The following LTBP1 variants were observed in gnomAD, a reference collection of about 807,000 sequenced individuals.
The protein encoded by LTBP1 is latent transforming growth factor beta binding protein 1.
Under a neutral mutation model 207.6 loss-of-function variants are expected in LTBP1, and 129 were observed. The observed-to-expected ratio is 0.62, with a 90% CI of 0.54 to 0.72. The LOEUF (loss-of-function observed/expected upper bound fraction) is 0.72, where lower values mean the gene tolerates loss of function less well. Ranked by LOEUF, LTBP1 falls within the 30% of genes least tolerant of loss-of-function variation. The probability of loss-of-function intolerance (pLI) is 0.00; values close to 1 mark genes in which losing one functional copy is unlikely to be tolerated. For synonymous variants in LTBP1, 963 were observed against 833.7 expected, an observed-to-expected ratio of 1.16 and a Z score of -2.67; for missense variants, 2,281 against 2,217.2, an observed-to-expected ratio of 1.03 and a Z score of -0.58.
At chr2:33,085,138 G>A (rs219102) in intron 3 of LTBP1, among the ~76,000 whole-genome samples, 118,851 of 151,924 alleles carry the variant, frequency 0.78, 49,507 homozygotes, top group East Asian at 0.98. Context: ...GCCGAGAAAT[G>A]GCTGGAGCCC....
chr2:33,330,514 A>C (rs1354228546), intron 24 of LTBP1, among the ~76,000 whole-genome samples: 1 of 151,506 alleles, frequency 6.6e-6, no homozygotes, highest in African/African-American at 2.4e-5. Flanking sequence ...TCTTTATCAG[A>C]TAAAGAAGTT....
intron 31 of LTBP1, 31 bp from the exon 32 acceptor site, chr2:33,389,153 T>TG (rs1422484534): frequency 6.2e-7 from 1 of 1,613,528 alleles, no homozygotes; most frequent in Non-Finnish European, 8.5e-7. Flanking sequence ...CTAACAGTGG[T>TG]GGGGCCTCAT....
chr2:33,088,344 C>G (rs1004777436), intron 3 of LTBP1, among the ~76,000 whole-genome samples: 1 of 152,084 alleles, frequency 6.6e-6, no homozygotes, highest in African/African-American at 2.4e-5. Flanking sequence ...CCCAGCTACT[C>G]TGGAGGCTGA....
At chr2:33,332,941 G>C (rs1326142726) in intron 24 of LTBP1, 2 of 152,202 alleles carry the variant, frequency 1.3e-5, no homozygotes, top group East Asian at 3.9e-4. Flanking sequence ...ATCTGATCTT[G>C]AAAGCTGAGC....
At chr2:33,276,389 G>A (rs2093427229) in intron 18 of LTBP1, among the ~76,000 whole-genome samples, 1 of 152,136 alleles carries the variant, frequency 6.6e-6, no homozygotes, top group Non-Finnish European at 1.5e-5. Flanking sequence ...ACAAACTTTG[G>A]TCAGATTCCA....
chr2:33,134,403 G>A lies in LTBP1; in HGVS notation c.1034-390G>A, dbSNP rs761328334. ...GAGTTTATTCACCGCTAGGTGCACG[G>A]CCAACCCCTTTGCATTACATCTGCC... On this transcript the variant is annotated intron_variant, in intron 4 of 33. Transcript: ENST00000404816. This position sits in a 1 kb window ranked among gnomAD's most constrained non-coding sequence, Gnocchi z 4.4. 4 of 521,950 alleles carry A rather than the reference G, an allele frequency of 7.7e-6. No homozygotes were observed. The highest frequency in any genetic ancestry group is 1.5e-5 in the Non-Finnish European group (4 of 268,664). 32.3% of individuals were successfully genotyped at this position (521,950 alleles called of 1,614,324 possible).
At chr2:33,341,729 A>AAAAAAAAATATATAT (rs745445793) in intron 24 of LTBP1, among the ~76,000 whole-genome samples, 15 of 93,616 alleles carry the variant, frequency 1.6e-4, no homozygotes, top group African/African-American at 7.1e-4. Flanking sequence ...AAAAAAAAAA[A>AAAAAAAAATATATAT]ATATATATAT....
chr2:33,193,544 T>G (rs2088166121), intron 7 of LTBP1, among the ~76,000 whole-genome samples: 1 of 152,214 alleles, frequency 6.6e-6, no homozygotes, highest in Admixed American at 6.5e-5. Context: ...TGCACCTCAC[T>G]TCCACTCTTT....
intron 2 of LTBP1, among the ~76,000 whole-genome samples, chr2:32,958,769 A>G (rs1354111019): frequency 6.6e-6 from 1 of 151,974 alleles, no homozygotes; most frequent in Non-Finnish European, 1.5e-5. Context: ...TTCTCTCTGT[A>G]CTTTTCCTTG....
chr2:33,030,096 T>C (rs1353480218), intron 3 of LTBP1, among the ~76,000 whole-genome samples: 1 of 152,178 alleles, frequency 6.6e-6, no homozygotes, highest in Non-Finnish European at 1.5e-5. Context: ...GACGTTGGTG[T>C]TTTGCCAAGT....
At chr2:33,219,582 G>C (rs911037890) in intron 8 of LTBP1, among the ~76,000 whole-genome samples, 8 of 151,826 alleles carry the variant, frequency 5.3e-5, no homozygotes, top group African/African-American at 1.9e-4. Context: ...ATGTCTGTCT[G>C]TCTGTAGGAA....
chr2:33,359,893 C>T (rs1301135559), intron 26 of LTBP1, among the ~76,000 whole-genome samples: 1 of 152,120 alleles, frequency 6.6e-6, no homozygotes, highest in South Asian at 2.1e-4. Context: ...TCTTTCATAT[C>T]GCCTTGTTCG....
chr2:33,386,818 G>C (rs1296737631), intron 31 of LTBP1, among the ~76,000 whole-genome samples: 3 of 148,568 alleles, frequency 2.0e-5, no homozygotes, highest in Non-Finnish European at 3.0e-5. Flanking sequence ...GGGTGGCAGA[G>C]CAAGACCCTT....
intron 31 of LTBP1, 148 bp from the exon 32 acceptor site, chr2:33,389,036 A>G: frequency 9.1e-7 from 1 of 1,101,284 alleles, no homozygotes; most frequent in Non-Finnish European, 1.3e-6. Flanking sequence ...AAAGATATTC[A>G]GACACTTTCC....
intron 8 of LTBP1, among the ~76,000 whole-genome samples, chr2:33,218,597 A>C (rs1204785730): frequency 6.6e-6 from 1 of 152,136 alleles, no homozygotes; most frequent in Non-Finnish European, 1.5e-5. Context: ...GGGTTTCACC[A>C]TGTTGGCCAG....
chr2:33,382,067 A>C lies in LTBP1; in HGVS notation c.4712-7117A>C, dbSNP rs191230261. Among the ~76,000 whole-genome samples, 617 of 116,790 alleles carry C rather than the reference A, an allele frequency of 5.3e-3. 5 individuals carry two copies. The highest frequency in any genetic ancestry group is 0.019 in the African/African-American group (592 of 30,876). 76.6% of individuals were successfully genotyped at this position (116,790 alleles called of 152,430 possible). ...CTGCATCTACAGCAGTTAGCGCCCT[A>C]CTGCTTCTTTTTTTTTTTTTTTTTT... On this transcript the variant is annotated intron_variant, in intron 31 of 33. Coordinates refer to ENST00000404816, the MANE Select transcript of LTBP1 (RefSeq NM_206943.4).
At chr2:32,998,512 T>TAAAAAAA (rs769287082) in intron 2 of LTBP1, among the ~76,000 whole-genome samples, 7 of 29,236 alleles carry the variant, frequency 2.4e-4, no homozygotes, top group African/African-American at 6.0e-4. Flanking sequence ...GACTCCATCT[T>TAAAAAAA]AAAAAAAAAA....
chr2:33,349,393 T>C (rs2094748943), intron 26 of LTBP1, among the ~76,000 whole-genome samples: 1 of 151,184 alleles, frequency 6.6e-6, no homozygotes, highest in Admixed American at 6.6e-5. Context: ...TGAGCTAAGA[T>C]CACACCACTG....
At chr2:33,152,317 A>T (rs1392699748) in intron 5 of LTBP1, among the ~76,000 whole-genome samples, 1 of 152,172 alleles carries the variant, frequency 6.6e-6, no homozygotes, top group Non-Finnish European at 1.5e-5. Context: ...ATGAAAAAGT[A>T]CTCAGCATCA....
Sources: allele counts gnomAD v4.1 joint callset (sites outside exome capture counted in the v4.1 genomes callset), GRCh38; gene constraint gnomAD v4.1.1; non-coding constraint Gnocchi (gnomAD v3.1); transcripts MANE v1.5; gene names NCBI Gene and HGNC (gene_info 2026-07-23, HGNC 2026-07-21).